The following FES variants were observed in gnomAD, a reference collection of about 807,000 sequenced individuals.
The protein encoded by FES is tyrosine-protein kinase Fes/Fps.
In FES, 83 loss-of-function variants were observed where a neutral mutation model predicts 109.6. The ratio of observed to expected loss-of-function variants is 0.76; its 90% CI spans 0.63 to 0.91. FES has a LOEUF of 0.91. FES is among the 40% of genes least tolerant of loss of function. The probability of loss-of-function intolerance (pLI) is 0.00; values close to 1 mark genes in which losing one functional copy is unlikely to be tolerated. For missense variants in FES, 943 were observed against 1,070.9 expected, an observed-to-expected ratio of 0.88 and a Z score of 1.67; for synonymous variants, 458 against 442.1, an observed-to-expected ratio of 1.04 and a Z score of -0.45.
At position 90,893,419 on chromosome 15, in the gene FES, G is replaced by A; in HGVS notation, c.2045+5G>A. On this transcript the variant is annotated splice_donor_5th_base_variant and intron_variant, in intron 16 of 18. Transcript: ENST00000328850. ...GAGCAAGTGCTGCATCCACCGGTGA[G>A]TGGGCGGTGGCCACGGGCCCTGCCA... is the stretch of plus-strand genomic sequence containing the variant. 6.5e-7 allele frequency: 1 copy of A among 1,535,196 alleles called. No homozygotes were observed. The highest frequency in any genetic ancestry group is 1.3e-5 in the South Asian group (1 of 79,350).
rs1260036548 is a variant in FES at position 90,890,291 on chromosome 15, A to C, written c.1236+13A>C. 6.3e-7 allele frequency: 1 copy of C among 1,587,302 alleles called. No individual in the cohort carries two copies. The highest frequency in any genetic ancestry group is 1.3e-5 in the African/African-American group (1 of 74,688). Reference sequence around the variant, plus strand: ...CACGTCGTCCTCGGTGAGCTGCCCCATCCGCGGCCGCTGCCCGCCACCGGC... The same window carrying C: ...CACGTCGTCCTCGGTGAGCTGCCCCCTCCGCGGCCGCTGCCCGCCACCGGC... On this transcript the variant is annotated intron_variant, in intron 9 of 18. Transcript: ENST00000328850.
Position 90,892,754 on chromosome 15 carries a change from C to T in FES, c.1755C>T (p.Thr585=), listed in dbSNP as rs1388883142. 3.1e-6 allele frequency: 5 copies of T among 1,613,630 alleles called. No individual in the cohort carries two copies. Among genetic ancestry groups the T allele is most frequent in the Middle Eastern group, 1.7e-4 (1 of 5,944 alleles). The stretch of plus-strand genomic sequence containing the variant: ...GCGGACGCCTGCGAGCCGACAACAC[C>T]CTGGTGGCGGTGAAGTCTTGTCGAG... ...VFSGRLRADN[T]LVAVKSCRET... The change falls in exon 14 of 19, where the codon ACC becomes ACT. Residue 585 remains threonine, a synonymous_variant. Transcript: ENST00000328850.
rs754216737 is a variant in FES at position 90,890,156 on chromosome 15, T to A, written c.1114T>A (p.Cys372Ser). 1 of 1,596,854 alleles carries A rather than the reference T, an allele frequency of 6.3e-7. No individual in the cohort carries two copies. Among genetic ancestry groups the A allele is most frequent in the Non-Finnish European group, 8.5e-7 (1 of 1,176,962 alleles). The change falls in exon 9 of 19, where the codon TGC becomes AGC. Residue 372 changes from cysteine to serine, a missense_variant. Physicochemically the swap from Cys to Ser is moderately radical, Grantham distance 112. Transcript: ENST00000328850. ...EALQGLQVALCSQAKLQAQQE... is the reference protein window; with the variant it reads ...EALQGLQVALSSQAKLQAQQE... Reference sequence around the variant, plus strand: ...ACTGCAGGGGCTGCAGGTAGCGCTGTGCAGCCAGGCCAAGCTGCAGGCCCA... The same window carrying A: ...ACTGCAGGGGCTGCAGGTAGCGCTGAGCAGCCAGGCCAAGCTGCAGGCCCA...
rs919406089 is a variant in FES at position 90,889,796 on chromosome 15, G to A, written c.927-44G>A. The A allele has an allele frequency of 4.3e-6, 7 of 1,611,654 alleles. No individual in the cohort carries two copies. Among genetic ancestry groups the A allele is most frequent in the African/African-American group, 1.3e-5 (1 of 74,934 alleles). On this transcript the variant is annotated intron_variant, in intron 7 of 18. Coordinates refer to ENST00000328850, the MANE Select transcript of FES (RefSeq NM_002005.4). The surrounding 1 kb of genome is among the most constrained non-coding windows in gnomAD (Gnocchi z 6.1). ...GGATGCACTGGACCTGGGTTGAGGG[G>A]GCAGGAGGGCTCGGTTCTAATGCTG...
chr15:90,894,315 T>G (rs1268089164), intron 18 of FES, among the ~76,000 whole-genome samples: 1 of 152,164 alleles, frequency 6.6e-6, no homozygotes, highest in Non-Finnish European at 1.5e-5. Context: ...CTGGGCACGG[T>G]GGCTCACACC....
Position 90,890,161 on chromosome 15 carries a change from C to A in FES, c.1119C>A (p.Ser373Arg). 6.3e-7 allele frequency: 1 copy of A among 1,598,354 alleles called. No homozygotes were observed. The highest frequency in any genetic ancestry group is 8.5e-7 in the Non-Finnish European group (1 of 1,177,580). ...AGGGGCTGCAGGTAGCGCTGTGCAGCCAGGCCAAGCTGCAGGCCCAGCAGG... is the reference window on the plus strand; with the variant it reads ...AGGGGCTGCAGGTAGCGCTGTGCAGACAGGCCAAGCTGCAGGCCCAGCAGG... Reference protein sequence around the residue: ...ALQGLQVALCSQAKLQAQQEL... With the variant: ...ALQGLQVALCRQAKLQAQQEL... The change falls in exon 9 of 19, where the codon AGC (serine) becomes AGA (arginine). Residue 373 changes from serine (S) to arginine (R), a missense_variant. By Grantham distance (110) the Ser-to-Arg change is moderately radical. Transcript: ENST00000328850.
At chr15:90,892,135 C>T in intron 13 of FES, 24 bp downstream of exon 13, 1 of 1,613,750 alleles carries the variant, frequency 6.2e-7, no homozygotes, top group South Asian at 1.1e-5. Flanking sequence ...TGCTGGCCTC[C>T]TTGTCGCTGG....
intron 5 of FES, among the ~76,000 whole-genome samples, chr15:90,888,536 G>A (rs1185275402): frequency 6.6e-6 from 1 of 151,682 alleles, no homozygotes; most frequent in Non-Finnish European, 1.5e-5. Flanking sequence ...TGGCCACTAG[G>A]ACGGGGAGGT....
intron 12 of FES, among the ~76,000 whole-genome samples, 190 bp from the exon 13 acceptor site, chr15:90,891,868 G>C (rs1431344999): frequency 6.6e-6 from 1 of 152,226 alleles, no homozygotes; most frequent in Non-Finnish European, 1.5e-5. Context: ...GCCATGGGCT[G>C]TACACACCAG....
Position 90,894,020 on chromosome 15 carries a change from A to T in FES, c.2288A>T (p.Asn763Ile). 2 of 1,613,786 alleles carry T rather than the reference A, an allele frequency of 1.2e-6. No individual in the cohort carries two copies. The highest frequency in any genetic ancestry group is 1.3e-5 in the African/African-American group (1 of 75,022). The part of the protein sequence containing the change: ...TFSLGASPYP[N>I]LSNQQTREFV... ...AGCCTGGGGGCCTCCCCCTATCCCA[A>T]CCTCAGCAATCAGCAGACACGGGAG... is the stretch of plus-strand genomic sequence containing the variant. The change falls in exon 18 of 19, where the codon AAC becomes ATC. Residue 763 changes from asparagine (N) to isoleucine (I), a missense_variant. Physicochemically the swap from Asn to Ile is moderately radical, Grantham distance 149 (BLOSUM62 -3). Coordinates refer to ENST00000328850, the MANE Select transcript of FES (RefSeq NM_002005.4).
Position 90,887,268 on chromosome 15 carries a change from G to A in FES, c.566G>A (p.Gly189Asp). 1 of 1,613,368 alleles carries A rather than the reference G, an allele frequency of 6.2e-7. No individual in the cohort carries two copies. Among genetic ancestry groups the A allele is most frequent in the Non-Finnish European group, 8.5e-7 (1 of 1,180,048 alleles). ...LFAHHNRYVL[G>D]VRAAQLHHQH... is the part of the protein sequence containing the mutation. ...GCTCACCACAACCGCTATGTGCTGGGCGTGCGGGCTGCGCAGCTACACCAC... is the reference window on the plus strand; with the variant it reads ...GCTCACCACAACCGCTATGTGCTGGACGTGCGGGCTGCGCAGCTACACCAC... The change falls in exon 5 of 19, where the codon GGC becomes GAC. Residue 189 changes from glycine to aspartate, a missense_variant. By Grantham distance (94) the Gly-to-Asp change is moderately conservative (BLOSUM62 -1). Coordinates refer to ENST00000328850, the MANE Select transcript of FES (RefSeq NM_002005.4).
Position 90,889,626 on chromosome 15 carries a change from G to T in FES, c.916G>T (p.Val306Leu). 1 of 1,613,218 alleles carries T rather than the reference G, an allele frequency of 6.2e-7. No homozygotes were observed. The highest frequency in any genetic ancestry group is 8.5e-7 in the Non-Finnish European group (1 of 1,180,004). ...GCTGAACGAGCTGACTGTGGAGAGC[G>T]TGCAGCACACGTGGGTGGTGGCTTT... ...LQLNELTVES[V>L]QHTLTSVTDE... The change falls in exon 7 of 19, where the codon GTG becomes TTG. Residue 306 changes from valine (V) to leucine (L), a missense_variant. Physicochemically the swap from Val to Leu is conservative, Grantham distance 32 (BLOSUM62 1). Transcript: ENST00000328850. This position sits in a 1 kb window ranked among gnomAD's most constrained non-coding sequence, Gnocchi z 6.1.
intron 12 of FES, 70 bp from the exon 13 acceptor site, chr15:90,891,988 C>G: frequency 6.3e-7 from 1 of 1,587,168 alleles, no homozygotes; most frequent in Non-Finnish European, 8.6e-7. Context: ...AAATGGAGGA[C>G]ACAGCCCTTC....
chr15:90,892,568 G>C, intron 13 of FES, 139 bp from the exon 14 acceptor site: 1 of 724,816 alleles, frequency 1.4e-6, no homozygotes, highest in African/African-American at 1.8e-5. Flanking sequence ...CCCAGCGAGG[G>C]TCAAACTCCC....
chr15:90,885,939 C>T (rs143881167), intron 3 of FES, among the ~76,000 whole-genome samples: 2 of 150,010 alleles, frequency 1.3e-5, no homozygotes, highest in Non-Finnish European at 3.0e-5. Flanking sequence ...TGTTTGCCTT[C>T]GACCTAGGCA....
At chr15:90,893,914 C>T in intron 17 of FES, 22 bp from the exon 18 acceptor site, 4 of 1,613,166 alleles carry the variant, frequency 2.5e-6, no homozygotes, top group Non-Finnish European at 3.4e-6. Flanking sequence ...CACGCTGCCT[C>T]ACCTCCTCGC....
intron 16 of FES, 35 bp from the exon 17 acceptor site, chr15:90,893,619 G>A (rs750980157): frequency 3.9e-6 from 6 of 1,538,072 alleles, no homozygotes; most frequent in South Asian, 2.5e-5. Context: ...GCAGGCGACT[G>A]TTGGCCAAAT....
At position 90,893,118 on chromosome 15, in the gene FES, C is replaced by T; in HGVS notation, c.1845C>T (p.Ser615=). 1 of 1,613,720 alleles carries T rather than the reference C, an allele frequency of 6.2e-7. No homozygotes were observed. Residue 615 remains serine, a synonymous_variant, in exon 15 of 19, where the codon AGC becomes AGT. Transcript: ENST00000328850. Reference sequence around the variant, plus strand: ...CCTCCAGGATCCTGAAGCAGTACAGCCACCCCAACATCGTGCGTCTCATTG... The same window carrying T: ...CCTCCAGGATCCTGAAGCAGTACAGTCACCCCAACATCGTGCGTCTCATTG... ...LQEARILKQY[S]HPNIVRLIGV...
At chr15:90,893,009 C>T (rs2033372881) in intron 14 of FES, 91 bp from the exon 15 acceptor site, 1 of 1,467,116 alleles carries the variant, frequency 6.8e-7, no homozygotes, top group Non-Finnish European at 9.3e-7. Flanking sequence ...GGTCTGCTGG[C>T]CTTGGAGGCC....
Sources: gnomAD v4.1 joint callset for allele counts (sites outside exome capture counted in the v4.1 genomes callset) on GRCh38, gnomAD v4.1.1 for gene constraint, Gnocchi (gnomAD v3.1) non-coding constraint, MANE v1.5 for transcripts, NCBI Gene and HGNC (gene_info 2026-07-23, HGNC 2026-07-21) for gene names.